Variants in RAD51C observed in about 807,000 individuals in gnomAD.
RAD51C encodes DNA repair protein RAD51 homolog 3.
In RAD51C, 42 loss-of-function variants were observed where a neutral mutation model predicts 45.0. The observed-to-expected ratio is 0.93, with a 90% CI of 0.73 to 1.21. RAD51C has a LOEUF of 1.21. Among genes scored for constraint, RAD51C ranks in the 50% most tolerant of loss-of-function variants. The probability of loss-of-function intolerance (pLI) is 0.00; values close to 1 mark genes in which losing one functional copy is unlikely to be tolerated. For synonymous variants in RAD51C, 172 were observed against 159.8 expected (o/e 1.08, Z -0.58); for missense variants, 474 against 452.2 (o/e 1.05, Z -0.44).
chr17:58,704,439 A>ATTTTT (rs879696109), intron 4 of RAD51C, among the ~76,000 whole-genome samples: 1 of 142,968 alleles, frequency 7.0e-6, no homozygotes, highest in Non-Finnish European at 1.5e-5. Context: ...CGCCTGGCTA[A>ATTTTT]TTTTTTTTTT....
rs557850295 is a variant in RAD51C, at chr17:58,733,854, G to A, written c.1027-264G>A. ...CTGCCTCAGCCTCCAGAGTAGCTGG[G>A]ACTAGAGGTGTGTGCCACCATGCCC... On this transcript the variant is annotated intron_variant, in intron 8 of 8. Coordinates refer to ENST00000337432, the MANE Select transcript of RAD51C (RefSeq NM_058216.3). Among the ~76,000 whole-genome samples the A allele has an allele frequency of 3.3e-5, 5 of 152,244 alleles. No individual in the cohort carries two copies. The East Asian group carries it at 9.7e-4, about 29-fold the overall frequency.
intron 5 of RAD51C, among the ~76,000 whole-genome samples, chr17:58,715,454 C>CAAAA (rs35442906): frequency 2.2e-5 from 2 of 91,212 alleles, no homozygotes; most frequent in Non-Finnish European, 4.4e-5. Context: ...AACTCTGTCT[C>CAAAA]AAAAAAAAAA....
intron 7 of RAD51C, among the ~76,000 whole-genome samples, chr17:58,729,318 A>G (rs9904234): frequency 0.14 from 22,002 of 151,840 alleles, 2,457 homozygotes; most frequent in East Asian, 0.31. Context: ...CCCGGGTTCA[A>G]TCGATTCTTC....
intron 5 of RAD51C, among the ~76,000 whole-genome samples, chr17:58,710,565 T>C (rs1156919184): frequency 6.6e-6 from 1 of 152,084 alleles, no homozygotes. Flanking sequence ...CAGTGTCTTC[T>C]TTGTTTAAAT....
At position 58,734,244 on chromosome 17, in the gene RAD51C, G is replaced by C. The variant is rs768965452; in HGVS notation, c.*22G>C. 2 of 1,600,828 alleles carry C rather than the reference G, an allele frequency of 1.2e-6. No homozygotes were observed. Among genetic ancestry groups the C allele is most frequent in the East Asian group, 2.2e-5 (1 of 44,678 alleles). ...ATAACCCAGAAACAAATCTCAAAGTGTACAAATTTATTGATGTTGTGAAAT... is the reference window on the plus strand; with the variant it reads ...ATAACCCAGAAACAAATCTCAAAGTCTACAAATTTATTGATGTTGTGAAAT... On this transcript the variant is annotated 3_prime_UTR_variant, in exon 9 of 9. Coordinates refer to ENST00000337432, the MANE Select transcript of RAD51C (RefSeq NM_058216.3).
chr17:58,708,717 T>C (rs2048454595), intron 4 of RAD51C, among the ~76,000 whole-genome samples: 1 of 152,164 alleles, frequency 6.6e-6, no homozygotes, highest in African/African-American at 2.4e-5. Context: ...GGGCTTTCTT[T>C]TGAAAGGGTT....
rs2144046497 is a variant in RAD51C, at chr17:58,732,540, T to A, written c.1022T>A (p.Ile341Asn). 1 of 1,611,748 alleles carries A rather than the reference T, an allele frequency of 6.2e-7. No homozygotes were observed. The highest frequency in any genetic ancestry group is 8.5e-7 in the Non-Finnish European group (1 of 1,177,944). The change falls in exon 8 of 9, where the codon ATC (isoleucine) becomes AAC (asparagine). Residue 341 changes from isoleucine to asparagine, a missense_variant. Ile to Asn is a moderately radical substitution (Grantham distance 149, BLOSUM62 -3). Coordinates refer to ENST00000337432, the MANE Select transcript of RAD51C (RefSeq NM_058216.3). ...SQKECTVLFQ[I>N]KPQGFRDTVV... ...AAGGAATGCACAGTACTGTTTCAAATCAAAGTCAGTATTATTTGATTAGAG... is the reference window on the plus strand; with the variant it reads ...AAGGAATGCACAGTACTGTTTCAAAACAAAGTCAGTATTATTTGATTAGAG...
chr17:58,708,838 G>A (rs2048458836), intron 4 of RAD51C, among the ~76,000 whole-genome samples: 1 of 151,854 alleles, frequency 6.6e-6, no homozygotes, highest in Non-Finnish European at 1.5e-5. Context: ...AAAGTGCTGG[G>A]ATTACAGATG....
At chr17:58,728,928 G>A (rs1462269052) in intron 7 of RAD51C, among the ~76,000 whole-genome samples, 1 of 152,178 alleles carries the variant, frequency 6.6e-6, no homozygotes, top group East Asian at 1.9e-4. Flanking sequence ...AGATTATTCA[G>A]AATTACACTA....
intron 8 of RAD51C, 141 bp from the exon 9 acceptor site, chr17:58,733,977 A>G: frequency 7.6e-7 from 1 of 1,313,050 alleles, no homozygotes; most frequent in South Asian, 1.4e-5. Context: ...CAGCCTCCCA[A>G]AGTGCTGGGA....
chr17:58,697,658 G>A (rs2048066820), intron 3 of RAD51C, among the ~76,000 whole-genome samples: 1 of 151,806 alleles, frequency 6.6e-6, no homozygotes, highest in Non-Finnish European at 1.5e-5. Flanking sequence ...AATTGTTAAA[G>A]TGTTTGGGAG....
intron 3 of RAD51C, chr17:58,700,310 GA>G (rs1381589347): frequency 6.6e-6 from 1 of 152,170 alleles, no homozygotes; most frequent in African/African-American, 2.4e-5. Flanking sequence ...AGGGTGGCAG[GA>G]AAAGGAGTTT....
At chr17:58,697,600 A>G (rs2048065328) in intron 3 of RAD51C, among the ~76,000 whole-genome samples, 1 of 151,650 alleles carries the variant, frequency 6.6e-6, no homozygotes, top group African/African-American at 2.4e-5. Flanking sequence ...ATTGTTAAGC[A>G]GATTGACTTG....
intron 4 of RAD51C, chr17:58,706,489 G>A: frequency 2.4e-6 from 1 of 419,748 alleles, no homozygotes; most frequent in Non-Finnish European, 4.9e-6. Flanking sequence ...TGCCTTCCAG[G>A]CCCACTGCAG....
chr17:58,725,320 C>T (rs144664326), intron 7 of RAD51C, among the ~76,000 whole-genome samples: 3 of 152,166 alleles, frequency 2.0e-5, no homozygotes, highest in African/African-American at 7.2e-5. Flanking sequence ...CGGCACCAAA[C>T]CTTATTGTAA....
chr17:58,707,061 T>C (rs999716425), intron 4 of RAD51C, among the ~76,000 whole-genome samples: 1 of 152,214 alleles, frequency 6.6e-6, no homozygotes, highest in Non-Finnish European at 1.5e-5. Flanking sequence ...AGCCACTTCC[T>C]CTACACTTTG....
intron 6 of RAD51C, among the ~76,000 whole-genome samples, chr17:58,722,581 T>C (rs1266485888): frequency 6.6e-6 from 1 of 152,242 alleles, no homozygotes; most frequent in East Asian, 1.9e-4. Context: ...CTTTCTGTTT[T>C]TGACAGTGTT....
chr17:58,719,790 G>A (rs949998551), intron 5 of RAD51C, among the ~76,000 whole-genome samples: 2 of 147,078 alleles, frequency 1.4e-5, no homozygotes, highest in African/African-American at 2.5e-5. Flanking sequence ...GTGCAGTAGC[G>A]CTATCTCAGC....
intron 8 of RAD51C, 81 bp downstream of exon 8, chr17:58,732,625 G>A: frequency 7.4e-7 from 1 of 1,350,422 alleles, no homozygotes; most frequent in Non-Finnish European, 1.1e-6. Context: ...ACTTGCTTCT[G>A]TCAACTTCTG....
Sources: allele counts gnomAD v4.1 joint callset (sites outside exome capture counted in the v4.1 genomes callset), GRCh38; gene constraint gnomAD v4.1.1; transcripts MANE v1.5; gene names NCBI Gene and HGNC (gene_info 2026-07-23, HGNC 2026-07-21).